SMG1: variants seen among roughly 807,000 people sequenced by gnomAD.
SMG1 encodes SMG1 nonsense mediated mRNA decay associated PI3K related kinase.
A neutral mutation model predicts 419.9 loss-of-function variants in SMG1; 22 were observed. That is an observed-to-expected ratio of 0.05 (90% CI 0.04 to 0.07). The LOEUF is 0.07. Among genes scored for constraint, SMG1 ranks in the 10% least tolerant of loss-of-function variants. SMG1 has a pLI of 1.00. For synonymous variants in SMG1, 1,538 were observed against 1,553.5 expected, an observed-to-expected ratio of 0.99 and a Z score of 0.23; for missense variants, 3,185 against 4,342.0, an observed-to-expected ratio of 0.73 and a Z score of 7.49.
chr16:18,828,767 G>A (rs1468422971), intron 54 of SMG1, among the ~76,000 whole-genome samples: 2 of 152,224 alleles, frequency 1.3e-5, no homozygotes, highest in African/African-American at 2.4e-5. Flanking sequence ...GGGAGGCCAA[G>A]GCGGGTGGAT....
At chr16:18,879,450 C>G in intron 11 of SMG1, 45 bp downstream of exon 11, 1 of 1,041,244 alleles carries the variant, frequency 9.6e-7, no homozygotes, top group South Asian at 1.4e-5. Context: ...ATTTAAGGGC[C>G]TGAATAAACC....
intron 10 of SMG1, among the ~76,000 whole-genome samples, chr16:18,880,734 G>A (rs1253826219): frequency 1.5e-5 from 2 of 133,050 alleles, no homozygotes; most frequent in African/African-American, 5.9e-5. Context: ...GGGGGGGCGC[G>A]GAGGGGGAAG....
intron 1 of SMG1, among the ~76,000 whole-genome samples, chr16:18,904,320 T>A (rs1278149338): frequency 6.6e-6 from 1 of 150,734 alleles, no homozygotes; most frequent in Non-Finnish European, 1.5e-5. Flanking sequence ...AAAGTCTTAC[T>A]TTAAAAAAAA....
At chr16:18,855,264 C>T (rs949911890) in intron 29 of SMG1, among the ~76,000 whole-genome samples, 7 of 152,202 alleles carry the variant, frequency 4.6e-5, no homozygotes, top group Non-Finnish European at 1.0e-4. Flanking sequence ...CACCATTCTC[C>T]TGGTTTTCTT....
Position 18,872,265 on chromosome 16 carries a change from G to T in SMG1, c.2102C>A (p.Thr701Lys), listed in dbSNP as rs200519212. ...AATTGAGAAATGTTTCTTTGTAGCC[G>T]TAGTTACAGTGCTAATCACAGCTCC... ...FDGAVISTVT[T>K]ATKKHFSIIL... Residue 701 changes from threonine (T) to lysine (K), a missense_variant, in exon 15 of 63, where the codon ACG becomes AAG. Thr to Lys is a moderately conservative substitution (Grantham distance 78). Transcript: ENST00000446231. 7 of 1,591,742 alleles carry T rather than the reference G, an allele frequency of 4.4e-6. No individual in the cohort carries two copies. Among genetic ancestry groups the T allele is most frequent in the Non-Finnish European group, 6.0e-6 (7 of 1,165,132 alleles).
intron 8 of SMG1, 24 bp from the exon 9 acceptor site, chr16:18,884,191 G>C (rs2036521910): frequency 8.0e-7 from 1 of 1,243,506 alleles, no homozygotes; most frequent in African/African-American, 1.5e-5. Context: ...AAGAAATTGT[G>C]AAAGGGTAGG....
chr16:18,884,911 C>G lies in SMG1; in HGVS notation c.1021+179G>C, dbSNP rs926855034. Reference sequence around the variant, plus strand: ...TGTCTGTACTTACTGTACCCACCTACTAGTAATTTCCTCTGAAAATACATA... The same window carrying G: ...TGTCTGTACTTACTGTACCCACCTAGTAGTAATTTCCTCTGAAAATACATA... On this transcript the variant is annotated intron_variant, in intron 8 of 62. Transcript: ENST00000446231. 1.0e-5 allele frequency: 6 copies of G among 597,584 alleles called. No individual in the cohort carries two copies. In the African/African-American group the frequency reaches 1.1e-4, roughly 11 times the overall value. 37.0% of individuals were successfully genotyped at this position (597,584 alleles called of 1,614,324 possible). A position where few individuals can be genotyped will look rare whatever the true frequency, so the allele number is the denominator to read the frequency against.
chr16:18,909,947 A>T (rs1247114987), intron 1 of SMG1, among the ~76,000 whole-genome samples: 2 of 152,282 alleles, frequency 1.3e-5, no homozygotes, highest in African/African-American at 4.8e-5. Flanking sequence ...AACACACTTT[A>T]ATCAGATTGA....
chr16:18,868,116 A>C, intron 22 of SMG1, 74 bp downstream of exon 22: 1 of 1,214,004 alleles, frequency 8.2e-7, no homozygotes. Context: ...CCATAGATTA[A>C]ATCATACCAA....
In SMG1 at chr16:18,835,924, T is replaced by G. The variant is rs1429176174; in HGVS notation, c.8057+9A>C. On this transcript the variant is annotated intron_variant, in intron 48 of 62. Coordinates refer to ENST00000446231, the MANE Select transcript of SMG1 (RefSeq NM_015092.5). The stretch of plus-strand genomic sequence containing the variant: ...AAAAATAAAAGAAAATTAAGCACTA[T>G]CAACTTACTTCCTATAGAGCTCTTG... The G allele has an allele frequency of 6.5e-7, 1 of 1,550,232 alleles. No homozygotes were observed. The highest frequency in any genetic ancestry group is 8.7e-7 in the Non-Finnish European group (1 of 1,145,612).
chr16:18,867,547 A>G (rs553239061), intron 22 of SMG1, among the ~76,000 whole-genome samples: 2 of 150,900 alleles, frequency 1.3e-5, no homozygotes, highest in Non-Finnish European at 3.0e-5. Flanking sequence ...ATAAATAAAT[A>G]AATAAATAAA....
At chr16:18,903,934 C>CTTTTTTTTTTTTT in intron 1 of SMG1, among the ~76,000 whole-genome samples, 1 of 99,876 alleles carries the variant, frequency 1.0e-5, no homozygotes, top group South Asian at 3.4e-4. Context: ...TATGTCTTGT[C>CTTTTTTTTTTTTT]TTTTTTTTTT....
Position 18,811,772 on chromosome 16 carries a change from C to T in SMG1, c.10897G>A (p.Val3633Ile), listed in dbSNP as rs1228314956. The T allele has an allele frequency of 3.7e-6, 6 of 1,613,900 alleles. No homozygotes were observed. The highest frequency in any genetic ancestry group is 5.1e-6 in the Non-Finnish European group (6 of 1,179,786). ...TAAAACACGGTCACCTGTTCAGCAA[C>T]TGACATCCTCCTATTCGGATCAACA... ...RDVDPNRRMS[V>I]AEQVDYVIKE... is the part of the protein sequence containing the mutation. The change falls in exon 62 of 63, where the codon GTT becomes ATT. Residue 3633 changes from valine (V) to isoleucine (I), a missense_variant. Val to Ile is a conservative substitution (Grantham distance 29). Coordinates refer to ENST00000446231, the MANE Select transcript of SMG1 (RefSeq NM_015092.5).
At chr16:18,812,579 CATAT>C (rs768840337) in intron 60 of SMG1, among the ~76,000 whole-genome samples, 6 of 149,480 alleles carry the variant, frequency 4.0e-5, no homozygotes, top group South Asian at 2.1e-4. Flanking sequence ...TATACACACA[CATAT>C]ATATACATAT....
At chr16:18,883,735 A>G (rs1414490688) in intron 9 of SMG1, among the ~76,000 whole-genome samples, 1 of 152,138 alleles carries the variant, frequency 6.6e-6, no homozygotes, top group African/African-American at 2.4e-5. Context: ...CCTGGCCAAC[A>G]TGGTGAAACC....
At chr16:18,847,408 A>T in intron 38 of SMG1, 45 bp downstream of exon 38, 1 of 1,603,496 alleles carries the variant, frequency 6.2e-7, no homozygotes. Context: ...ACTTTGAAAC[A>T]AAGTGGCAGC....
rs2032522636 is a variant in SMG1, at chr16:18,821,233, T to C, written c.9742-1579A>G. On this transcript the variant is annotated intron_variant, in intron 55 of 62. Transcript: ENST00000446231. ...ATTTAGTATGTTTCTTTTTTTTTTT[T>C]TTTTTTTCTTTTTTTTTTCTTTTTT... Among the ~76,000 whole-genome samples, 5 of 37,506 alleles carry C rather than the reference T, an allele frequency of 1.3e-4. 1 individual carries two copies. Among genetic ancestry groups the C allele is most frequent in the African/African-American group, 3.3e-4 (4 of 11,976 alleles). The allele number at this position is 37,506 out of a possible 152,430, so 24.6% of individuals were successfully genotyped here.
intron 20 of SMG1, among the ~76,000 whole-genome samples, 153 bp downstream of exon 20, chr16:18,868,951 T>C (rs190736121): frequency 1.3e-5 from 2 of 152,328 alleles, no homozygotes; most frequent in Admixed American, 6.5e-5. Flanking sequence ...ATGCAATTAT[T>C]CAATGAAAGC....
chr16:18,865,495 G>A (rs1218530319), intron 23 of SMG1, among the ~76,000 whole-genome samples: 1 of 151,798 alleles, frequency 6.6e-6, no homozygotes, highest in Non-Finnish European at 1.5e-5. Context: ...TGGATTCCAA[G>A]AAAGTAATCA....
Sources: allele counts gnomAD v4.1 joint callset (sites outside exome capture counted in the v4.1 genomes callset), GRCh38; gene constraint gnomAD v4.1.1; transcripts MANE v1.5; gene names NCBI Gene and HGNC (gene_info 2026-07-23, HGNC 2026-07-21).